The following KCNIP4 variants were observed in gnomAD, a reference collection of about 807,000 sequenced individuals.
The protein encoded by KCNIP4 is potassium voltage-gated channel interacting protein 4, also known as Kv channel-interacting protein 4.
KCNIP4 carries 12 observed loss-of-function variants against 34.0 expected under a neutral mutation model. That is an observed-to-expected ratio of 0.35 (90% CI 0.23 to 0.57). The LOEUF is 0.57. Among genes scored for constraint, KCNIP4 ranks in the 20% least tolerant of loss-of-function variants. KCNIP4 has a pLI of 0.83. For missense variants in KCNIP4, 238 were observed against 311.7 expected (o/e 0.76, Z 1.78); for synonymous variants, 124 against 102.2 (o/e 1.21, Z -1.29).
chr4:21,068,727 A>T (rs1744633826), intron 1 of KCNIP4, among the ~76,000 whole-genome samples: 1 of 152,158 alleles, frequency 6.6e-6, no homozygotes, highest in African/African-American at 2.4e-5. Flanking sequence ...ATGTCACCCT[A>T]AATGTAGTAA....
At chr4:21,333,615 G>T (rs960111632) in intron 1 of KCNIP4, among the ~76,000 whole-genome samples, 3 of 151,544 alleles carry the variant, frequency 2.0e-5, no homozygotes, top group African/African-American at 7.3e-5. Context: ...TACTCCCAAA[G>T]CCATAATTTA....
chr4:21,564,488 T>G (rs1302143186), intron 1 of KCNIP4, among the ~76,000 whole-genome samples: 1 of 152,146 alleles, frequency 6.6e-6, no homozygotes, highest in Non-Finnish European at 1.5e-5. Flanking sequence ...ACCTTCTATT[T>G]GCTCTTTACA....
At chr4:21,337,352 A>G in intron 1 of KCNIP4, among the ~76,000 whole-genome samples, 1 of 152,186 alleles carries the variant, frequency 6.6e-6, no homozygotes, top group East Asian at 1.9e-4. Context: ...TGATGCCATG[A>G]AACCAATTTC....
At chr4:21,009,992 A>G (rs1289771623) in intron 1 of KCNIP4, among the ~76,000 whole-genome samples, 2 of 152,224 alleles carry the variant, frequency 1.3e-5, no homozygotes, top group Non-Finnish European at 2.9e-5. Context: ...TGGCAAGTCC[A>G]CAATGAAGAT....
chr4:21,672,544 G>A lies in KCNIP4; in HGVS notation c.61+276027C>T, dbSNP rs1749586122. The stretch of plus-strand genomic sequence containing the variant: ...CAAAGGTTCAGTGTATATTAAATAT[G>A]TGTTTTTACATATTTTTCATTGGCC... On this transcript the variant is annotated intron_variant, in intron 1 of 8. Coordinates refer to ENST00000382152, the MANE Select transcript of KCNIP4 (RefSeq NM_025221.6). Among the ~76,000 whole-genome samples, 4 of 152,258 alleles carry A rather than the reference G, an allele frequency of 2.6e-5. No homozygotes were observed. The South Asian group carries it at 8.3e-4, about 32-fold the overall frequency.
intron 1 of KCNIP4, among the ~76,000 whole-genome samples, chr4:21,611,046 C>A (rs1229594811): frequency 5.3e-5 from 8 of 152,064 alleles, no homozygotes; most frequent in Admixed American, 5.2e-4. Flanking sequence ...TCACCTCCCA[C>A]TTATGAGTGA....
At chr4:21,924,444 C>T (rs542468938) in intron 1 of KCNIP4, among the ~76,000 whole-genome samples, 21 of 152,042 alleles carry the variant, frequency 1.4e-4, no homozygotes, top group African/African-American at 4.8e-4. Context: ...CAGGGTTTCA[C>T]TGTGTTAGCC....
chr4:21,467,051 C>G (rs528840251), intron 1 of KCNIP4, among the ~76,000 whole-genome samples: 1 of 141,128 alleles, frequency 7.1e-6, no homozygotes, highest in African/African-American at 2.7e-5. Flanking sequence ...AAACCAAAAC[C>G]AAACCAAACC....
At chr4:20,864,059 C>T (rs370406518) in intron 2 of KCNIP4, among the ~76,000 whole-genome samples, 5,432 of 121,796 alleles carry the variant, frequency 0.045, 262 homozygotes, top group Non-Finnish European at 0.063. Context: ...TATGTATACA[C>T]ATGTATGTAT....
intron 1 of KCNIP4, among the ~76,000 whole-genome samples, chr4:21,430,126 T>C (rs1355769459): frequency 2.6e-5 from 4 of 152,174 alleles, no homozygotes; most frequent in Non-Finnish European, 4.4e-5. Context: ...CTCTGGACTT[T>C]TATCAGGCTT....
intron 1 of KCNIP4, among the ~76,000 whole-genome samples, chr4:21,236,043 T>A (rs576096651): frequency 6.6e-6 from 1 of 152,196 alleles, no homozygotes; most frequent in South Asian, 2.1e-4. Flanking sequence ...GCCTGTAATC[T>A]CATCAGTTTG....
chr4:21,822,827 C>T (rs1418365228), intron 1 of KCNIP4, among the ~76,000 whole-genome samples: 1 of 150,138 alleles, frequency 6.7e-6, no homozygotes, highest in Non-Finnish European at 1.5e-5. Context: ...AAGAGATTCT[C>T]TTGCCTCAGC....
intron 1 of KCNIP4, among the ~76,000 whole-genome samples, chr4:21,337,355 C>T (rs1172166245): frequency 6.6e-6 from 1 of 152,062 alleles, no homozygotes; most frequent in East Asian, 1.9e-4. Context: ...TGCCATGAAA[C>T]CAATTTCTTC....
At chr4:21,547,641 T>C (rs1738246680) in intron 1 of KCNIP4, among the ~76,000 whole-genome samples, 1 of 152,090 alleles carries the variant, frequency 6.6e-6, no homozygotes, top group Non-Finnish European at 1.5e-5. Flanking sequence ...AAACTGCTTT[T>C]GGGGAAGGCT....
intron 1 of KCNIP4, among the ~76,000 whole-genome samples, chr4:21,519,639 T>G (rs985852725): frequency 8.5e-6 from 1 of 118,118 alleles, no homozygotes; most frequent in African/African-American, 3.3e-5. Flanking sequence ...TATACACAAA[T>G]GTGTGTGTAT....
intron 1 of KCNIP4, among the ~76,000 whole-genome samples, chr4:21,897,404 G>A (rs975093871): frequency 6.6e-6 from 1 of 152,096 alleles, no homozygotes; most frequent in African/African-American, 2.4e-5. Context: ...ACAAGTATCA[G>A]AATTTTTTTT....
chr4:20,752,234 T>C (rs1170499772), intron 4 of KCNIP4, among the ~76,000 whole-genome samples: 1 of 151,900 alleles, frequency 6.6e-6, no homozygotes, highest in African/African-American at 2.4e-5. Context: ...AATTTTTGTA[T>C]GTTTAGTAGA....
chr4:21,155,931 A>G (rs545757479), intron 1 of KCNIP4, among the ~76,000 whole-genome samples: 8 of 152,284 alleles, frequency 5.3e-5, no homozygotes, highest in African/African-American at 1.9e-4. Context: ...TTATTTCAAC[A>G]GAACAATTCA....
rs187029863 is a variant in KCNIP4 at position 21,496,992 on chromosome 4, T to C, written c.61+451579A>G. Reference sequence around the variant, plus strand: ...TACAGGATAAAGTCCAGTTTCTCTCTAAGGGGCATGTGGAGGGGGTCACCT... The same window carrying C: ...TACAGGATAAAGTCCAGTTTCTCTCCAAGGGGCATGTGGAGGGGGTCACCT... On this transcript the variant is annotated intron_variant, in intron 1 of 8. Transcript: ENST00000382152. 1.8e-4 allele frequency among the ~76,000 whole-genome samples: 27 copies of C among 152,300 alleles called. 2 individuals are homozygous for C. The East Asian group carries it at 3.1e-3, about 17-fold the overall frequency.
Sources: gnomAD v4.1 joint callset for allele counts (sites outside exome capture counted in the v4.1 genomes callset) on GRCh38, gnomAD v4.1.1 for gene constraint, MANE v1.5 for transcripts, NCBI Gene and HGNC (gene_info 2026-07-23, HGNC 2026-07-21) for gene names.